RFX7: variants seen among roughly 807,000 people sequenced by gnomAD.
The protein encoded by RFX7 is regulatory factor X7.
RFX7 carries 26 observed loss-of-function variants against 111.8 expected under a neutral mutation model. That is an observed-to-expected ratio of 0.23 (90% CI 0.17 to 0.32). The LOEUF (loss-of-function observed/expected upper bound fraction) is 0.32, where lower values mean the gene tolerates loss of function less well. RFX7 is among the 10% of genes least tolerant of loss of function. The pLI, the probability that RFX7 is intolerant of heterozygous loss-of-function variation, is 1.00. For missense variants in RFX7, 1,573 were observed against 1,772.9 expected, an observed-to-expected ratio of 0.89 and a Z score of 2.02; for synonymous variants, 624 against 624.4, an observed-to-expected ratio of 1.00 and a Z score of 0.01.
chr15:56,212,890 A>G (rs2043326916), intron 2 of RFX7, among the ~76,000 whole-genome samples: 2 of 152,216 alleles, frequency 1.3e-5, no homozygotes, highest in Non-Finnish European at 2.9e-5. Flanking sequence ...AGATGTTTGT[A>G]TAAATGGTAA....
chr15:56,103,250 C>T (rs369198142), intron 6 of RFX7, among the ~76,000 whole-genome samples: 1 of 148,334 alleles, frequency 6.7e-6, no homozygotes, highest in African/African-American at 2.5e-5. Context: ...AAACATATGG[C>T]AGGCCTCAAA....
chr15:56,243,780 T>TC lies in RFX7; in HGVS notation c.-339dup, dbSNP rs1416205540. Among the ~76,000 whole-genome samples, 3 of 147,868 alleles carry TC rather than the reference T, an allele frequency of 2.0e-5. No homozygotes were observed. Among genetic ancestry groups the TC allele is most frequent in the Non-Finnish European group, 4.5e-5 (3 of 66,642 alleles). ...AGCCCCAGGCACCGCTCCACGCCACTCCCCACGCCGCCGCCGCCGCCGCCG... is the reference window on the plus strand; with the variant it reads ...AGCCCCAGGCACCGCTCCACGCCACTCCCCCACGCCGCCGCCGCCGCCGCCG... On this transcript the variant is annotated 5_prime_UTR_variant, in exon 1 of 10. Coordinates refer to ENST00000559447, the MANE Select transcript of RFX7 (RefSeq NM_022841.7).
chr15:56,141,360 C>T (rs2141021437), intron 5 of RFX7, among the ~76,000 whole-genome samples: 1 of 151,934 alleles, frequency 6.6e-6, no homozygotes, highest in African/African-American at 2.4e-5. Context: ...GAGTTAAACC[C>T]TGTCTCAAAA....
intron 3 of RFX7, among the ~76,000 whole-genome samples, chr15:56,150,908 C>T (rs1035344941): frequency 6.6e-6 from 1 of 151,984 alleles, no homozygotes. Flanking sequence ...AGCACGAGAA[C>T]TTCGTGTAGC....
chr15:56,216,027 G>A (rs2043360072), intron 2 of RFX7, among the ~76,000 whole-genome samples: 1 of 152,140 alleles, frequency 6.6e-6, no homozygotes, highest in South Asian at 2.1e-4. Context: ...TGGAGCTGCA[G>A]TGCCTTTTAT....
intron 2 of RFX7, among the ~76,000 whole-genome samples, chr15:56,193,844 A>AG (rs752882340): frequency 6.6e-6 from 1 of 151,934 alleles, no homozygotes; most frequent in African/African-American, 2.4e-5. Context: ...TTTCTTATCC[A>AG]GGGGGGCTAC....
At chr15:56,175,336 C>T (rs1332455140) in intron 3 of RFX7, among the ~76,000 whole-genome samples, 2 of 152,140 alleles carry the variant, frequency 1.3e-5, no homozygotes, top group African/African-American at 2.4e-5. Flanking sequence ...GTTAATAAGA[C>T]ATCAATTGTG....
At chr15:56,147,562 TAC>T (rs1244217717) in intron 3 of RFX7, among the ~76,000 whole-genome samples, 1 of 151,230 alleles carries the variant, frequency 6.6e-6, no homozygotes. Flanking sequence ...TATATTTTAC[TAC>T]AATAAAAAAT....
chr15:56,157,258 G>T (rs72738615), intron 3 of RFX7, among the ~76,000 whole-genome samples: 19,784 of 151,906 alleles, frequency 0.13, 1,669 homozygotes, highest in East Asian at 0.44. Flanking sequence ...CTGAGCTTTT[G>T]GTCTTTTGTT....
At position 56,138,085 on chromosome 15, in the gene RFX7, T is replaced by C. The variant is rs1186694855; in HGVS notation, c.401+4693A>G. 1.1e-4 allele frequency among the ~76,000 whole-genome samples: 16 copies of C among 143,660 alleles called. No individual in the cohort carries two copies. The South Asian group carries it at 3.4e-3, about 31-fold the overall frequency. 94.2% of individuals were successfully genotyped at this position (143,660 alleles called of 152,430 possible). The stretch of plus-strand genomic sequence containing the variant: ...GTGGTGTGGTGCTGAAAAAAATGTA[T>C]ATTCTGTTGATTTGGGGTGGAGAGT... On this transcript the variant is annotated intron_variant, in intron 5 of 9. Transcript: ENST00000559447.
chr15:56,091,141 TA>T lies in RFX7; in HGVS notation c.*2203del, dbSNP rs1267242650. Reference sequence around the variant, plus strand: ...CATGTATTAACATGGTGAAGCAAACTAAACTTAATTCTTCCTGCTGTAATAT... The same window carrying T: ...CATGTATTAACATGGTGAAGCAAACTAACTTAATTCTTCCTGCTGTAATAT... On this transcript the variant is annotated 3_prime_UTR_variant, in exon 10 of 10. Transcript: ENST00000559447. The T allele has an allele frequency of 5.2e-5, 8 of 152,566 alleles. No homozygotes were observed. The highest frequency in any genetic ancestry group is 7.2e-5 in the African/African-American group (3 of 41,458). The allele number at this position is 152,566 out of a possible 1,614,324, so 9.5% of individuals were successfully genotyped here.
Position 56,243,641 on chromosome 15 carries a change from G to A in RFX7, c.-199C>T, listed in dbSNP as rs184502412. On this transcript the variant is annotated 5_prime_UTR_variant, in exon 1 of 10. Transcript: ENST00000559447. ...AGATGGGGGCGTTTGAAGACGAAGTGGGGGGGGCAGGCTCCCCCCAAAATC... is the reference window on the plus strand; with the variant it reads ...AGATGGGGGCGTTTGAAGACGAAGTAGGGGGGGCAGGCTCCCCCCAAAATC... 2,758 of 137,752 alleles carry A rather than the reference G, an allele frequency of 0.02. 40 individuals are homozygous for A. Among genetic ancestry groups the A allele is most frequent in the Middle Eastern group, 0.049 (14 of 284 alleles). The allele number at this position is 137,752 out of a possible 1,614,324, so 8.5% of individuals were successfully genotyped here. A position where few individuals can be genotyped will look rare whatever the true frequency, so the allele number is the denominator to read the frequency against.
rs773798720 is a variant in RFX7, at chr15:56,093,792, T to C, written c.3936A>G (p.Gln1312=). The C allele has an allele frequency of 1.2e-6, 2 of 1,613,892 alleles. No individual in the cohort carries two copies. The highest frequency in any genetic ancestry group is 2.2e-5 in the East Asian group (1 of 44,880). ...TACTTTTGGTGAGGTAAGATGGTGTTTGGAACTCATAAACAGAAGTGCTGG... is the reference window on the plus strand; with the variant it reads ...TACTTTTGGTGAGGTAAGATGGTGTCTGGAACTCATAAACAGAAGTGCTGG... ...IDSSTSVYEF[Q]TPSYLTKSNS... Residue 1312 remains glutamine, a synonymous_variant, in exon 10 of 10, where the codon CAA becomes CAG. Transcript: ENST00000559447.
In RFX7 at chr15:56,095,721, C is replaced by A. The variant is rs775102000; in HGVS notation, c.2007G>T (p.Val669=). The A allele has an allele frequency of 7.4e-6, 12 of 1,613,806 alleles. No individual in the cohort carries two copies. In the South Asian group the frequency reaches 1.3e-4, roughly 18 times the overall value. ...CCACAATTGGTTTCTTTACAGGAGG[C>A]ACCTGGGTCTCCTGCAATGTAGAAG... ...RLSSTLQETQ[V]PPVKKPIVEQ... The change falls in exon 10 of 10, where the codon GTG becomes GTT. Residue 669 remains valine (V), a synonymous_variant. Transcript: ENST00000559447.
chr15:56,179,297 A>G lies in RFX7; in HGVS notation c.168T>C (p.Thr56=), dbSNP rs77824247. 4,381 of 1,287,968 alleles carry G rather than the reference A, an allele frequency of 3.4e-3. 11 individuals carry two copies. The highest frequency in any genetic ancestry group is 4.2e-3 in the Non-Finnish European group (4,117 of 972,826). The allele number at this position is 1,287,968 out of a possible 1,614,324, so 79.8% of individuals were successfully genotyped here. A position where few individuals can be genotyped will look rare whatever the true frequency, so the allele number is the denominator to read the frequency against. ...QHKIKNSICK[T]VQSKVDCILQ... ...AAATGCAGTCCACTTTAGATTGTAC[A>G]GTTTTGCTAAAAGAAAGAGAAAGTT... is the stretch of plus-strand genomic sequence containing the variant. The change falls in exon 3 of 10, where the codon ACT becomes ACC. Residue 56 remains threonine (T), a synonymous_variant. Coordinates refer to ENST00000559447, the MANE Select transcript of RFX7 (RefSeq NM_022841.7).
intron 2 of RFX7, among the ~76,000 whole-genome samples, chr15:56,181,424 G>C (rs917344093): frequency 1.3e-5 from 2 of 152,138 alleles, no homozygotes; most frequent in African/African-American, 2.4e-5. Flanking sequence ...CTTATCACCA[G>C]TGATGTTATA....
At chr15:56,230,685 G>A (rs973154829) in intron 2 of RFX7, among the ~76,000 whole-genome samples, 1 of 152,196 alleles carries the variant, frequency 6.6e-6, no homozygotes, top group African/African-American at 2.4e-5. Flanking sequence ...GAGTGATTAA[G>A]TGATAAATTG....
chr15:56,147,795 G>A (rs547006802), intron 3 of RFX7, among the ~76,000 whole-genome samples: 2 of 152,234 alleles, frequency 1.3e-5, no homozygotes, highest in East Asian at 1.9e-4. Flanking sequence ...GGATGGTCTC[G>A]ATCTCCTGAC....
intron 5 of RFX7, among the ~76,000 whole-genome samples, chr15:56,126,405 T>G (rs1158270760): frequency 1.3e-5 from 2 of 152,200 alleles, no homozygotes; most frequent in Non-Finnish European, 2.9e-5. Context: ...AATAAAGTAG[T>G]TGGAGTGTTT....
Sources: allele counts gnomAD v4.1 joint callset (sites outside exome capture counted in the v4.1 genomes callset), GRCh38; gene constraint gnomAD v4.1.1; transcripts MANE v1.5; gene names NCBI Gene and HGNC (gene_info 2026-07-23, HGNC 2026-07-21).